Variants in GGA2 observed in about 807,000 individuals in gnomAD.
The protein encoded by GGA2 is ADP-ribosylation factor-binding protein GGA2.
In GGA2, 48 loss-of-function variants were observed where a neutral mutation model predicts 79.5. The ratio of observed to expected loss-of-function variants is 0.60; its 90% CI spans 0.48 to 0.77. GGA2 has a LOEUF of 0.77. Ranked by LOEUF, GGA2 falls within the 30% of genes least tolerant of loss-of-function variation. GGA2 has a pLI of 0.00. For missense variants in GGA2, 770 were observed against 774.0 expected, an observed-to-expected ratio of 0.99 and a Z score of 0.06; for synonymous variants, 317 against 302.0, an observed-to-expected ratio of 1.05 and a Z score of -0.51.
intron 3 of GGA2, chr16:23,493,851 G>A: frequency 3.3e-6 from 1 of 300,260 alleles, no homozygotes; most frequent in Non-Finnish European, 6.4e-6. Flanking sequence ...AGCTGAGCCT[G>A]CAGACCCCTC....
intron 9 of GGA2, among the ~76,000 whole-genome samples, chr16:23,481,777 C>CA (rs960621714): frequency 8.6e-5 from 13 of 150,878 alleles, no homozygotes; most frequent in Non-Finnish European, 1.2e-4. Flanking sequence ...GAGACTGTCT[C>CA]AAAAAAAAGG....
rs565209188 is a variant in GGA2, at chr16:23,484,075, G to A, written c.799-1071C>T. Among the ~76,000 whole-genome samples the A allele has an allele frequency of 4.6e-5, 7 of 151,276 alleles. No homozygotes were observed. The East Asian group carries it at 1.4e-3, about 30-fold the overall frequency. ...AGGCCAAGGCAGGTGGATCACCTCA[G>A]GCCAGGGTTCAAGACCAGCCTGGCC... On this transcript the variant is annotated intron_variant, in intron 8 of 16. Transcript: ENST00000309859.
At chr16:23,475,802 C>A (rs1031977337) in intron 13 of GGA2, among the ~76,000 whole-genome samples, 1 of 151,552 alleles carries the variant, frequency 6.6e-6, no homozygotes, top group African/African-American at 2.4e-5. Flanking sequence ...TGGTGGCACA[C>A]GCTTGTAATA....
intron 14 of GGA2, 151 bp from the exon 15 acceptor site, chr16:23,470,316 C>CAAGT (rs1964494316): frequency 7.1e-6 from 4 of 561,674 alleles, no homozygotes; most frequent in Non-Finnish European, 1.2e-5. Context: ...TACCATAATC[C>CAAGT]AAGTCCTCAT....
At chr16:23,478,750 T>G (rs2142119723) in intron 12 of GGA2, 133 bp downstream of exon 12, 1 of 775,906 alleles carries the variant, frequency 1.3e-6, no homozygotes, top group Non-Finnish European at 2.3e-6. Flanking sequence ...GGAAGAGGCT[T>G]TGGACCTCCA....
intron 1 of GGA2, among the ~76,000 whole-genome samples, chr16:23,500,534 C>T (rs538435579): frequency 4.0e-5 from 6 of 151,588 alleles, no homozygotes; most frequent in Non-Finnish European, 7.4e-5. Flanking sequence ...GGGCAGTGTG[C>T]GGGGCCTGGG....
At chr16:23,499,446 C>T (rs940127550) in intron 1 of GGA2, among the ~76,000 whole-genome samples, 1 of 151,978 alleles carries the variant, frequency 6.6e-6, no homozygotes, top group Non-Finnish European at 1.5e-5. Context: ...ACCCGGCCGG[C>T]ACCAGCTTTC....
chr16:23,467,517 G>A lies in GGA2; in HGVS notation c.*73C>T, dbSNP rs1350980994. 51 of 778,746 alleles carry A rather than the reference G, an allele frequency of 6.5e-5. 1 individual carries two copies. The Middle Eastern group carries it at 9.5e-4, about 15-fold the overall frequency. 48.2% of individuals were successfully genotyped at this position (778,746 alleles called of 1,614,324 possible). A position where few individuals can be genotyped will look rare whatever the true frequency, so the allele number is the denominator to read the frequency against. On this transcript the variant is annotated 3_prime_UTR_variant, in exon 17 of 17. Transcript: ENST00000309859. Reference sequence around the variant, plus strand: ...TCTTGGCACTCCGCACTGAAACACCGTGATTAGTCCTGACTAGACAGCAAA... The same window carrying A: ...TCTTGGCACTCCGCACTGAAACACCATGATTAGTCCTGACTAGACAGCAAA...
intron 4 of GGA2, among the ~76,000 whole-genome samples, chr16:23,492,441 C>G (rs1047727459): frequency 9.2e-5 from 14 of 152,240 alleles, no homozygotes; most frequent in Admixed American, 3.9e-4. Flanking sequence ...AAACCTAGTG[C>G]TAGTTCAAGC....
upstream of GGA2, among the ~76,000 whole-genome samples, chr16:23,514,385 A>G (rs776481547): frequency 6.6e-6 from 1 of 152,042 alleles, no homozygotes; most frequent in Non-Finnish European, 1.5e-5. Flanking sequence ...TGGGATTACA[A>G]GAGTAAGCCA....
At chr16:23,510,648 G>A (rs1318022151), upstream of GGA2, among the ~76,000 whole-genome samples, 1 of 152,238 alleles carries the variant, frequency 6.6e-6, no homozygotes, top group Non-Finnish European at 1.5e-5. Flanking sequence ...ACGGTTGCCA[G>A]ATAAAATACA....
intron 1 of GGA2, among the ~76,000 whole-genome samples, chr16:23,502,467 TATC>T (rs1336571873): frequency 6.6e-6 from 1 of 152,238 alleles, no homozygotes; most frequent in East Asian, 1.9e-4. Context: ...TTCAAACCTT[TATC>T]AGAAGATCAT....
intron 9 of GGA2, among the ~76,000 whole-genome samples, chr16:23,481,482 A>T (rs1056929994): frequency 6.6e-6 from 1 of 152,162 alleles, no homozygotes; most frequent in African/African-American, 2.4e-5. Flanking sequence ...TTTTCATGCA[A>T]GGAAAAAAGG....
At chr16:23,474,041 ACTGG>A (rs1349350363) in intron 14 of GGA2, among the ~76,000 whole-genome samples, 2 of 152,170 alleles carry the variant, frequency 1.3e-5, no homozygotes, top group Non-Finnish European at 2.9e-5. Flanking sequence ...TGCTCTGCAT[ACTGG>A]TGTAGAGACG....
chr16:23,475,178 A>C, intron 13 of GGA2, 117 bp from the exon 14 acceptor site: 3 of 514,964 alleles, frequency 5.8e-6, no homozygotes, highest in Non-Finnish European at 7.0e-6. Context: ...ACAGAGTTAG[A>C]TGTTATATGC....
intron 2 of GGA2, among the ~76,000 whole-genome samples, chr16:23,518,892 T>A (rs1425826945): frequency 1.3e-5 from 2 of 152,234 alleles, no homozygotes; most frequent in Non-Finnish European, 2.9e-5. Context: ...TAATCTCATA[T>A]TCTTTTGAGT....
At chr16:23,498,247 T>G (rs1018376778) in intron 1 of GGA2, among the ~76,000 whole-genome samples, 2 of 150,536 alleles carry the variant, frequency 1.3e-5, no homozygotes, top group African/African-American at 4.9e-5. Context: ...GACACTGCAC[T>G]CCAGCCTGGG....
upstream of GGA2, among the ~76,000 whole-genome samples, chr16:23,512,811 T>G (rs1325315510): frequency 1.4e-5 from 2 of 144,090 alleles, no homozygotes; most frequent in East Asian, 4.2e-4. Flanking sequence ...TTCAAGTGAT[T>G]CCCCTGCCTC....
chr16:23,515,095 A>G (rs943174622), upstream of GGA2, among the ~76,000 whole-genome samples: 1 of 151,876 alleles, frequency 6.6e-6, no homozygotes, highest in Non-Finnish European at 1.5e-5. Flanking sequence ...CATCTAAGAA[A>G]TAAGATAAGT....
Sources: allele counts gnomAD v4.1 joint callset (sites outside exome capture counted in the v4.1 genomes callset), GRCh38; gene constraint gnomAD v4.1.1; transcripts MANE v1.5; gene names NCBI Gene and HGNC (gene_info 2026-07-23, HGNC 2026-07-21).